ZNF385D: variants seen among roughly 807,000 people sequenced by gnomAD.
ZNF385D encodes the protein zinc finger protein 385D.
A neutral mutation model predicts 35.8 loss-of-function variants in ZNF385D; 15 were observed. The ratio of observed to expected loss-of-function variants is 0.42; its 90% CI spans 0.28 to 0.64. The LOEUF is 0.64. Among genes scored for constraint, ZNF385D ranks in the 30% least tolerant of loss-of-function variants. The probability of loss-of-function intolerance (pLI) is 0.23; values close to 1 mark genes in which losing one functional copy is unlikely to be tolerated. For synonymous variants in ZNF385D, 212 were observed against 186.8 expected (o/e 1.13, Z -1.10); for missense variants, 474 against 494.6 (o/e 0.96, Z 0.39).
At chr3:21,705,544 T>G (rs1338897323) in intron 1 of ZNF385D, among the ~76,000 whole-genome samples, 1 of 152,222 alleles carries the variant, frequency 6.6e-6, no homozygotes, top group South Asian at 2.1e-4. Flanking sequence ...TGTAATGTAG[T>G]CTTCTACCTA....
chr3:22,325,710 A>G (rs185606018), intron 2 of ZNF385D, among the ~76,000 whole-genome samples: 49 of 152,324 alleles, frequency 3.2e-4, no homozygotes, highest in African/African-American at 1.2e-3. Flanking sequence ...GTGAGCCAAG[A>G]TCACGCCATT....
intron 2 of ZNF385D, among the ~76,000 whole-genome samples, chr3:22,280,284 C>G (rs182212055): frequency 6.6e-6 from 1 of 151,556 alleles, no homozygotes; most frequent in African/African-American, 2.4e-5. Context: ...TTATTTAAAT[C>G]CCATCTATTT....
At chr3:21,803,219 T>A (rs551927062) in intron 3 of ZNF385D, among the ~76,000 whole-genome samples, 33 of 152,156 alleles carry the variant, frequency 2.2e-4, no homozygotes, top group Middle Eastern at 3.4e-3. Context: ...GTGGCAGGTA[T>A]AGGTGGCACC....
chr3:21,422,483 C>T (rs576716402), intron 7 of ZNF385D, among the ~76,000 whole-genome samples: 3 of 152,294 alleles, frequency 2.0e-5, no homozygotes, highest in East Asian at 3.9e-4. Context: ...TTCTCCCTAA[C>T]TCATTCTATG....
At chr3:22,094,872 G>A (rs900090887) in intron 3 of ZNF385D, among the ~76,000 whole-genome samples, 2 of 152,118 alleles carry the variant, frequency 1.3e-5, no homozygotes, top group African/African-American at 2.4e-5. Flanking sequence ...ATGGTTGCCA[G>A]ATATTATCCT....
chr3:21,586,213 A>G (rs548941594), intron 2 of ZNF385D, among the ~76,000 whole-genome samples: 6 of 152,056 alleles, frequency 3.9e-5, no homozygotes, highest in Non-Finnish European at 7.4e-5. Context: ...CCCTAAGGGG[A>G]AAAAAAAGAA....
chr3:22,004,198 T>C (rs1576130564), intron 3 of ZNF385D, among the ~76,000 whole-genome samples: 1 of 152,134 alleles, frequency 6.6e-6, no homozygotes, highest in South Asian at 2.1e-4. Flanking sequence ...ATGTTGGGGA[T>C]AGGATACCGT....
At chr3:21,954,562 G>A (rs1305646273) in intron 3 of ZNF385D, among the ~76,000 whole-genome samples, 2 of 151,986 alleles carry the variant, frequency 1.3e-5, no homozygotes, top group African/African-American at 4.8e-5. Flanking sequence ...AGAAATATGT[G>A]AGTTCTGTTT....
At chr3:21,769,934 A>G (rs947080771) in intron 3 of ZNF385D, among the ~76,000 whole-genome samples, 1 of 152,046 alleles carries the variant, frequency 6.6e-6, no homozygotes, top group African/African-American at 2.4e-5. Context: ...ATAATACCAC[A>G]CATCTACAAC....
At chr3:21,982,818 C>T (rs1468796495) in intron 3 of ZNF385D, among the ~76,000 whole-genome samples, 1 of 150,324 alleles carries the variant, frequency 6.7e-6, no homozygotes, top group Admixed American at 6.6e-5. Flanking sequence ...TATTGAAAGC[C>T]TTTTTTTTTG....
chr3:21,497,651 C>G (rs921894538), intron 4 of ZNF385D, among the ~76,000 whole-genome samples: 8 of 152,024 alleles, frequency 5.3e-5, no homozygotes, highest in Non-Finnish European at 1.0e-4. Context: ...GTGTTTGAGA[C>G]CAGCCTGGGC....
rs2072933217 is a variant in ZNF385D, at chr3:21,811,836, A to C, written c.326-146808T>G. The stretch of plus-strand genomic sequence containing the variant: ...AGGCAATCATCATGAATTTTTCCAA[A>C]ATCATGTTAAATGGCTCATGGATGG... On this transcript the variant is annotated intron_variant, in intron 3 of 5. Transcript: ENST00000494108. Among the ~76,000 whole-genome samples the C allele has an allele frequency of 2.0e-5, 3 of 152,346 alleles. 1 individual carries two copies. The South Asian group carries it at 6.2e-4, about 32-fold the overall frequency.
At chr3:21,975,889 G>C (rs1703588253) in intron 3 of ZNF385D, among the ~76,000 whole-genome samples, 1 of 151,836 alleles carries the variant, frequency 6.6e-6, no homozygotes, top group Admixed American at 6.6e-5. Context: ...AACTACACAG[G>C]ACAAGATGCA....
intron 3 of ZNF385D, among the ~76,000 whole-genome samples, chr3:21,904,396 A>G (rs1559739985): frequency 6.6e-6 from 1 of 152,090 alleles, no homozygotes; most frequent in African/African-American, 2.4e-5. Context: ...TGTTTCAACA[A>G]AATAAAGTGT....
chr3:22,356,891 TTGAG>T (rs1696177331), intron 2 of ZNF385D, among the ~76,000 whole-genome samples: 1 of 151,796 alleles, frequency 6.6e-6, no homozygotes, highest in African/African-American at 2.4e-5. Context: ...AATGGGAGGT[TTGAG>T]TGGTAATAAA....
rs189426240 is a variant in ZNF385D, at chr3:22,042,108, T to C, written c.325+126709A>G. Among the ~76,000 whole-genome samples, 8 of 152,218 alleles carry C rather than the reference T, an allele frequency of 5.3e-5. 1 individual carries two copies. The South Asian group carries it at 1.7e-3, about 32-fold the overall frequency. On this transcript the variant is annotated intron_variant, in intron 3 of 5. Coordinates refer to the ZNF385D transcript ENST00000494108. ...AAGGTTTATCAGATTGGGTCAAACATGGGACTAGAATTGGCCTTATGTATT... is the reference window on the plus strand; with the variant it reads ...AAGGTTTATCAGATTGGGTCAAACACGGGACTAGAATTGGCCTTATGTATT...
At chr3:22,217,820 T>C (rs940769353) in intron 2 of ZNF385D, among the ~76,000 whole-genome samples, 21 of 152,156 alleles carry the variant, frequency 1.4e-4, no homozygotes, top group African/African-American at 4.3e-4. Context: ...TTTCTAATGA[T>C]TTTACCTGTA....
chr3:22,208,494 C>CA (rs1697302880), intron 2 of ZNF385D, among the ~76,000 whole-genome samples: 1 of 150,780 alleles, frequency 6.6e-6, no homozygotes, highest in Non-Finnish European at 1.5e-5. Flanking sequence ...TTAATGGGTA[C>CA]AAAAAATAGT....
At chr3:21,893,716 G>A (rs1191651543) in intron 3 of ZNF385D, among the ~76,000 whole-genome samples, 1 of 152,096 alleles carries the variant, frequency 6.6e-6, no homozygotes, top group Non-Finnish European at 1.5e-5. Flanking sequence ...TGGCAACAAG[G>A]AGAATTTCCC....
Sources: allele counts gnomAD v4.1 joint callset (sites outside exome capture counted in the v4.1 genomes callset), GRCh38; gene constraint gnomAD v4.1.1; transcripts MANE v1.5; gene names NCBI Gene and HGNC (gene_info 2026-07-23, HGNC 2026-07-21).